XKR9: variants seen among roughly 807,000 people sequenced by gnomAD.
The protein encoded by XKR9 is XK related 9.
XKR9 carries 32 observed loss-of-function variants against 32.0 expected under a neutral mutation model. The ratio of observed to expected loss-of-function variants is 1.00; its 90% CI spans 0.76 to 1.34. The LOEUF is 1.34. XKR9 is among the 40% of genes most tolerant of loss of function. The probability of loss-of-function intolerance (pLI) is 0.00; values close to 1 mark genes in which losing one functional copy is unlikely to be tolerated. For missense variants in XKR9, 546 were observed against 429.7 expected (o/e 1.27, Z -2.39); for synonymous variants, 168 against 143.4 (o/e 1.17, Z -1.22).
chr8:70,822,025 C>T, the XKR9 span, among the ~76,000 whole-genome samples: 1 of 152,152 alleles, frequency 6.6e-6, no homozygotes, highest in Non-Finnish European at 1.5e-5. Flanking sequence ...GCAAATTTTC[C>T]AAACTTTTAT....
the XKR9 span, among the ~76,000 whole-genome samples, chr8:70,855,862 A>T: frequency 6.6e-6 from 1 of 152,216 alleles, no homozygotes; most frequent in African/African-American, 2.4e-5. Context: ...CCAGAATTTC[A>T]TATCCAGCCA....
the XKR9 span, among the ~76,000 whole-genome samples, chr8:70,987,142 G>C: frequency 6.6e-6 from 1 of 152,156 alleles, no homozygotes; most frequent in East Asian, 1.9e-4. Context: ...ATAAGATTTG[G>C]GTGGGGACAC....
At chr8:70,820,968 C>T in the XKR9 span, among the ~76,000 whole-genome samples, 1 of 152,144 alleles carries the variant, frequency 6.6e-6, no homozygotes, top group Non-Finnish European at 1.5e-5. Flanking sequence ...TCGTGCATTC[C>T]CAACAGTCCC....
the XKR9 span, among the ~76,000 whole-genome samples, chr8:70,901,056 C>T: frequency 6.6e-6 from 1 of 152,174 alleles, no homozygotes; most frequent in Admixed American, 6.5e-5. Flanking sequence ...TCCAGTCTAT[C>T]ATTGATGGAC....
At chr8:70,860,744 T>G in the XKR9 span, among the ~76,000 whole-genome samples, 3 of 151,688 alleles carry the variant, frequency 2.0e-5, no homozygotes, top group African/African-American at 7.3e-5. Context: ...TTTCTGGGGA[T>G]AAGATGTCCC....
rs1807590228 is a variant in XKR9, at chr8:70,779,813, C to G, written n.353-9526C>G. Among the ~76,000 whole-genome samples, 3 of 151,716 alleles carry G rather than the reference C, an allele frequency of 2.0e-5. No individual in the cohort carries two copies. In the South Asian group the frequency reaches 6.2e-4, roughly 31 times the overall value. On this transcript the variant is annotated intron_variant and non_coding_transcript_variant, in intron 2 of 3. Transcript: ENST00000520273. ...ATTGGTGGTGATATCTCCTTAATCA[C>G]TTTTATTGTGTCTATTTGATTCTTC...
At chr8:70,690,675 C>A (rs111462838) in intron 3 of XKR9, among the ~76,000 whole-genome samples, 2 of 151,974 alleles carry the variant, frequency 1.3e-5, no homozygotes, top group Non-Finnish European at 2.9e-5. Context: ...TGAGAACATG[C>A]GGTATTTGGT....
intron 4 of XKR9, among the ~76,000 whole-genome samples, chr8:70,720,801 A>G (rs1298177947): frequency 6.6e-6 from 1 of 152,126 alleles, no homozygotes; most frequent in Admixed American, 6.5e-5. Context: ...TGGTGACAGG[A>G]TGATGCTTGC....
chr8:70,801,812 T>C, the XKR9 span, among the ~76,000 whole-genome samples: 1 of 152,200 alleles, frequency 6.6e-6, no homozygotes, highest in Non-Finnish European at 1.5e-5. Context: ...TTCATAGGTC[T>C]CTAAGAACAT....
chr8:70,812,378 G>A, the XKR9 span, among the ~76,000 whole-genome samples: 1 of 152,298 alleles, frequency 6.6e-6, no homozygotes, highest in Non-Finnish European at 1.5e-5. Context: ...TTGAAAACTG[G>A]CACAAGACAG....
the XKR9 span, among the ~76,000 whole-genome samples, chr8:70,858,253 G>A: frequency 1.3e-5 from 2 of 152,254 alleles, no homozygotes; most frequent in Admixed American, 1.3e-4. Context: ...AAGCTGATAA[G>A]CAACTTCAGC....
chr8:71,061,648 A>AAG, the XKR9 span, among the ~76,000 whole-genome samples: 2 of 152,118 alleles, frequency 1.3e-5, no homozygotes, highest in East Asian at 1.9e-4. Context: ...CAGAGAGAGA[A>AAG]AGAGAGAGAG....
chr8:70,897,777 G>A, the XKR9 span, among the ~76,000 whole-genome samples: 6 of 152,048 alleles, frequency 3.9e-5, no homozygotes, highest in African/African-American at 1.2e-4. Context: ...TTACTCCTTT[G>A]TCAGATGAAT....
chr8:70,706,942 T>A lies in XKR9; in HGVS notation c.282T>A (p.Phe94Leu). Reference protein sequence around the residue: ...LQGGVFTRYWFALKRGYHAAF... With the variant: ...LQGGVFTRYWLALKRGYHAAF... ...TATGTTTACTTTATAGGTATTGGTTTGCCTTAAAAAGGGGTTACCATGCAG... is the reference window on the plus strand; with the variant it reads ...TATGTTTACTTTATAGGTATTGGTTAGCCTTAAAAAGGGGTTACCATGCAG... Residue 94 changes from phenylalanine to leucine, a missense_variant, in exon 4 of 5, where the codon TTT becomes TTA. Phe to Leu is a conservative substitution (Grantham distance 22). Transcript: ENST00000408926. 6.2e-7 allele frequency: 1 copy of A among 1,611,494 alleles called. No individual in the cohort carries two copies. The highest frequency in any genetic ancestry group is 8.5e-7 in the Non-Finnish European group (1 of 1,178,318).
At chr8:70,718,657 T>C (rs979888586) in intron 4 of XKR9, among the ~76,000 whole-genome samples, 2 of 152,216 alleles carry the variant, frequency 1.3e-5, no homozygotes, top group Non-Finnish European at 2.9e-5. Context: ...GAACTCATTC[T>C]TTTTTATGGC....
chr8:70,771,356 G>A (rs189589187), intron 2 of XKR9, among the ~76,000 whole-genome samples: 4 of 152,202 alleles, frequency 2.6e-5, no homozygotes, highest in East Asian at 3.9e-4. Context: ...GTTCCTATTC[G>A]GCCATCTAGA....
the XKR9 span, among the ~76,000 whole-genome samples, chr8:70,895,738 G>A: frequency 2.1e-4 from 31 of 148,946 alleles, no homozygotes; most frequent in African/African-American, 7.7e-4. Context: ...CAATCCCAGC[G>A]CTTTGGGAGG....
intron 2 of XKR9, among the ~76,000 whole-genome samples, chr8:70,676,995 T>C (rs1311172651): frequency 1.3e-5 from 2 of 152,198 alleles, no homozygotes; most frequent in African/African-American, 2.4e-5. Context: ...AAGGAAATTA[T>C]CTACATTTAA....
chr8:70,964,395 A>G, the XKR9 span, among the ~76,000 whole-genome samples: 1 of 152,178 alleles, frequency 6.6e-6, no homozygotes, highest in Non-Finnish European at 1.5e-5. Context: ...GAAGAAGAGT[A>G]GCATGATGAC....
Sources: gnomAD v4.1 joint callset for allele counts (sites outside exome capture counted in the v4.1 genomes callset) on GRCh38, gnomAD v4.1.1 for gene constraint, MANE v1.5 for transcripts, NCBI Gene and HGNC (gene_info 2026-07-23, HGNC 2026-07-21) for gene names.